CHST9: variants seen among roughly 807,000 people sequenced by gnomAD.
CHST9 encodes carbohydrate sulfotransferase 9, also known as GalNAc-4-sulfotransferase 2.
Under a neutral mutation model 44.4 loss-of-function variants are expected in CHST9, and 41 were observed. The observed-to-expected ratio is 0.92, with a 90% CI of 0.72 to 1.20. The LOEUF is 1.20. Among genes scored for constraint, CHST9 ranks in the 50% most tolerant of loss-of-function variants. The probability of loss-of-function intolerance (pLI) is 0.00; values close to 1 mark genes in which losing one functional copy is unlikely to be tolerated. For synonymous variants in CHST9, 171 were observed against 178.4 expected (o/e 0.96, Z 0.33); for missense variants, 504 against 516.5 (o/e 0.98, Z 0.23).
intron 2 of CHST9, among the ~76,000 whole-genome samples, chr18:27,063,687 A>T (rs759500761): frequency 2.0e-5 from 3 of 152,200 alleles, no homozygotes; most frequent in South Asian, 4.1e-4. Flanking sequence ...CCATAAAATT[A>T]TCTGAACTGG....
At chr18:27,030,095 C>T (rs1040621142) in intron 3 of CHST9, among the ~76,000 whole-genome samples, 1 of 152,096 alleles carries the variant, frequency 6.6e-6, no homozygotes, top group Non-Finnish European at 1.5e-5. Context: ...TTGGCACTTC[C>T]CAAGTTATTT....
chr18:26,936,812 C>T (rs2056001175), intron 5 of CHST9: 1 of 152,250 alleles, frequency 6.6e-6, no homozygotes, highest in Non-Finnish European at 1.5e-5. Context: ...ATATATTTCA[C>T]CAGCCTATTG....
At chr18:27,126,589 AGGTTTAG>A (rs955389665) in intron 2 of CHST9, among the ~76,000 whole-genome samples, 3 of 152,044 alleles carry the variant, frequency 2.0e-5, no homozygotes, top group Non-Finnish European at 4.4e-5. Flanking sequence ...GGACAGCTGG[AGGTTTAG>A]GGCAATGTGA....
At chr18:26,979,986 T>A (rs953890398) in intron 4 of CHST9, among the ~76,000 whole-genome samples, 3 of 152,192 alleles carry the variant, frequency 2.0e-5, no homozygotes, top group African/African-American at 7.2e-5. Context: ...TTTTAATGAA[T>A]TTTGACATGT....
In CHST9 at chr18:27,139,980, T is replaced by C. The variant is rs114717911; in HGVS notation, c.121+2709A>G. Among the ~76,000 whole-genome samples the C allele has an allele frequency of 5.7e-3, 870 of 152,300 alleles. 12 individuals are homozygous for C. The highest frequency in any genetic ancestry group is 0.02 in the African/African-American group (826 of 41,564). The stretch of plus-strand genomic sequence containing the variant: ...TATATGCCTACATAATCCAGTGTTT[T>C]GGTTAGGAGACTCTTTCAGGGATTC... On this transcript the variant is annotated intron_variant, in intron 2 of 5. Coordinates refer to ENST00000618847, the MANE Select transcript of CHST9 (RefSeq NM_031422.6).
chr18:27,137,357 TAG>T (rs1157733940), intron 2 of CHST9, among the ~76,000 whole-genome samples: 35 of 126,338 alleles, frequency 2.8e-4, no homozygotes, highest in Non-Finnish European at 2.7e-4. Context: ...TGTGTGTGTA[TAG>T]AGAGAGAGAG....
intron 2 of CHST9, among the ~76,000 whole-genome samples, chr18:27,131,563 C>G (rs2058472139): frequency 6.6e-6 from 1 of 151,970 alleles, no homozygotes; most frequent in African/African-American, 2.4e-5. Flanking sequence ...AAAAACAAAA[C>G]AGAACAAAAA....
intron 2 of CHST9, among the ~76,000 whole-genome samples, chr18:27,101,073 C>T (rs1391487796): frequency 6.6e-6 from 1 of 152,108 alleles, no homozygotes; most frequent in African/African-American, 2.4e-5. Context: ...AGTCTCCAGC[C>T]ACAGATAAAC....
At chr18:27,158,346 C>T (rs998529851) in intron 1 of CHST9, among the ~76,000 whole-genome samples, 3 of 146,924 alleles carry the variant, frequency 2.0e-5, no homozygotes, top group African/African-American at 7.6e-5. Context: ...TGAGTAAGAA[C>T]ATGCAGTGTT....
rs200500925 is a variant in CHST9 at position 26,917,181 on chromosome 18, T to C, written c.410A>G (p.Gln137Arg). The change falls in exon 6 of 6, where the codon CAA (glutamine) becomes CGA (arginine). Residue 137 changes from glutamine to arginine, a missense_variant. Transcript: ENST00000618847. Reference protein sequence around the residue: ...SPTEKLIEKRQGAKTVFNKFS... With the variant: ...SPTEKLIEKRRGAKTVFNKFS... ...CTTGTTAAAAACAGTCTTAGCTCCT[T>C]GACGTTTTTCAATCAACTTCTCTGT... is the stretch of plus-strand genomic sequence containing the variant. The C allele has an allele frequency of 2.5e-6, 4 of 1,613,826 alleles. No individual in the cohort carries two copies. The Admixed American group carries it at 6.7e-5, about 27-fold the overall frequency.
At chr18:27,058,100 A>G (rs1192437243) in intron 2 of CHST9, among the ~76,000 whole-genome samples, 1 of 152,254 alleles carries the variant, frequency 6.6e-6, no homozygotes, top group Non-Finnish European at 1.5e-5. Flanking sequence ...GACTGGCAAT[A>G]GTAAATACCT....
chr18:27,032,882 G>T (rs1468101235), intron 3 of CHST9, among the ~76,000 whole-genome samples: 1 of 152,150 alleles, frequency 6.6e-6, no homozygotes, highest in Non-Finnish European at 1.5e-5. Flanking sequence ...ACGAGAGCCT[G>T]CACTCTTACC....
At chr18:26,939,032 G>T (rs2056042558) in intron 5 of CHST9, among the ~76,000 whole-genome samples, 1 of 152,158 alleles carries the variant, frequency 6.6e-6, no homozygotes, top group African/African-American at 2.4e-5. Context: ...GAGTTCTTAT[G>T]ATATGCAAGG....
chr18:26,978,410 A>G (rs529574595), intron 4 of CHST9, among the ~76,000 whole-genome samples: 1 of 152,214 alleles, frequency 6.6e-6, no homozygotes, highest in East Asian at 1.9e-4. Flanking sequence ...AAGTTTATTA[A>G]GTATTAATAA....
At chr18:27,088,306 C>A (rs1292244897) in intron 2 of CHST9, among the ~76,000 whole-genome samples, 6 of 152,032 alleles carry the variant, frequency 3.9e-5, no homozygotes, top group Non-Finnish European at 5.9e-5. Context: ...ATAATTTACA[C>A]CTTTGTACCT....
At chr18:27,090,369 G>C (rs1315065710) in intron 2 of CHST9, among the ~76,000 whole-genome samples, 1 of 152,064 alleles carries the variant, frequency 6.6e-6, no homozygotes, top group Non-Finnish European at 1.5e-5. Context: ...TGGGTAGATT[G>C]CAGAAATTTT....
At chr18:27,096,556 G>A (rs2058118834) in intron 2 of CHST9, among the ~76,000 whole-genome samples, 2 of 151,950 alleles carry the variant, frequency 1.3e-5, no homozygotes, top group Non-Finnish European at 2.9e-5. Context: ...AAGAAAAACA[G>A]AGAGAAGGTC....
chr18:27,134,064 T>C (rs1375950120), intron 2 of CHST9, among the ~76,000 whole-genome samples: 3 of 152,222 alleles, frequency 2.0e-5, no homozygotes. Flanking sequence ...AAAATGGCTT[T>C]GTTCTAGTTC....
chr18:27,171,942 G>A (rs962551605), intron 1 of CHST9, among the ~76,000 whole-genome samples: 4 of 152,088 alleles, frequency 2.6e-5, no homozygotes, highest in Admixed American at 2.0e-4. Flanking sequence ...TGAGACTTTA[G>A]GTAAAATGAC....
Sources: gnomAD v4.1 joint callset for allele counts (sites outside exome capture counted in the v4.1 genomes callset) on GRCh38, gnomAD v4.1.1 for gene constraint, MANE v1.5 for transcripts, NCBI Gene and HGNC (gene_info 2026-07-23, HGNC 2026-07-21) for gene names.